PCBD2: variants seen among roughly 807,000 people sequenced by gnomAD.
PCBD2 encodes pterin-4-alpha-carbinolamine dehydratase 2.
In PCBD2, 12 loss-of-function variants were observed where a neutral mutation model predicts 16.4. The observed-to-expected ratio is 0.73, with a 90% CI of 0.47 to 1.19. The LOEUF (loss-of-function observed/expected upper bound fraction) is 1.19, where lower values mean the gene tolerates loss of function less well. PCBD2 is among the 50% of genes most tolerant of loss of function. The pLI, the probability that PCBD2 is intolerant of heterozygous loss-of-function variation, is 0.00. For missense variants in PCBD2, 138 were observed against 156.8 expected, an observed-to-expected ratio of 0.88 and a Z score of 0.64; for synonymous variants, 58 against 61.8, an observed-to-expected ratio of 0.94 and a Z score of 0.29.
chr5:134,909,848 C>T (rs1000034304), intron 1 of PCBD2, among the ~76,000 whole-genome samples: 2 of 152,156 alleles, frequency 1.3e-5, no homozygotes, highest in Non-Finnish European at 1.5e-5. Flanking sequence ...GTGGGCAGAT[C>T]ACTTGAGCTC....
chr5:134,907,204 TTC>T (rs1238165507), intron 1 of PCBD2, among the ~76,000 whole-genome samples: 1 of 152,262 alleles, frequency 6.6e-6, no homozygotes, highest in African/African-American at 2.4e-5. Context: ...TTTTCCAAAA[TTC>T]TCTGAGTTGA....
At chr5:134,937,288 T>A (rs921774611) in intron 2 of PCBD2, among the ~76,000 whole-genome samples, 12 of 152,246 alleles carry the variant, frequency 7.9e-5, no homozygotes, top group Non-Finnish European at 1.3e-4. Flanking sequence ...TATATCCATT[T>A]TACATGAAAA....
At chr5:134,925,312 A>G (rs924002056) in intron 2 of PCBD2, 2 of 398,326 alleles carry the variant, frequency 5.0e-6, no homozygotes, top group African/African-American at 4.1e-5. Context: ...GAGGAAGGGT[A>G]TTCCTGCCAA....
intron 2 of PCBD2, among the ~76,000 whole-genome samples, chr5:134,930,581 G>A (rs753012315): frequency 1.8e-4 from 27 of 152,182 alleles, no homozygotes; most frequent in Non-Finnish European, 3.5e-4. Flanking sequence ...CCTTTGTTCT[G>A]CATGCAGTAC....
chr5:134,917,634 A>G (rs1021347078), intron 2 of PCBD2, among the ~76,000 whole-genome samples: 2 of 152,190 alleles, frequency 1.3e-5, no homozygotes, highest in Non-Finnish European at 2.9e-5. Context: ...GCAAAGTCCA[A>G]GCTTTATTGG....
At chr5:134,917,090 GGTAGAAATGTGGGTGTGAGA>G (rs1750842674) in intron 2 of PCBD2, among the ~76,000 whole-genome samples, 1 of 152,220 alleles carries the variant, frequency 6.6e-6, no homozygotes, top group Admixed American at 6.5e-5. Flanking sequence ...CAAAATGTCA[GGTAGAAATGTGGGTGTGAGA>G]GTCCCATAAA....
chr5:134,936,783 T>G (rs1477445043), intron 2 of PCBD2, among the ~76,000 whole-genome samples: 3 of 152,196 alleles, frequency 2.0e-5, no homozygotes. Flanking sequence ...ATCTGTCCAG[T>G]GGCCAAAGAC....
At chr5:134,932,587 C>A (rs1188335142) in intron 2 of PCBD2, among the ~76,000 whole-genome samples, 1 of 152,224 alleles carries the variant, frequency 6.6e-6, no homozygotes, top group Admixed American at 6.5e-5. Context: ...AGTGATCCCC[C>A]CTGCCTTCTC....
At chr5:134,941,515 G>A (rs1025428633) in intron 2 of PCBD2, among the ~76,000 whole-genome samples, 1 of 152,162 alleles carries the variant, frequency 6.6e-6, no homozygotes, top group Non-Finnish European at 1.5e-5. Context: ...ATATTCAGAA[G>A]GCCTGGCTTT....
chr5:134,960,803 G>C lies in PCBD2; in HGVS notation c.*122G>C, dbSNP rs1751466169. ...TTTTTTTAAGACAGAGTGTTGCTCT[G>C]TCGCCCAGGCCAGAGTGCAGTGGTA... On this transcript the variant is annotated 3_prime_UTR_variant, in exon 4 of 4. Coordinates refer to ENST00000254908, the MANE Select transcript of PCBD2 (RefSeq NM_032151.5). 1.2e-6 allele frequency: 1 copy of C among 814,982 alleles called. No homozygotes were observed. Among genetic ancestry groups the C allele is most frequent in the South Asian group, 1.7e-5 (1 of 58,978 alleles). 50.5% of individuals were successfully genotyped at this position (814,982 alleles called of 1,614,324 possible).
At chr5:134,934,703 A>G (rs1008447280) in intron 2 of PCBD2, among the ~76,000 whole-genome samples, 3 of 152,216 alleles carry the variant, frequency 2.0e-5, no homozygotes, top group African/African-American at 7.2e-5. Context: ...CCACATCTTC[A>G]GCTTTTTATA....
Position 134,925,581 on chromosome 5 carries a change from A to C in PCBD2, c.216+15115A>C. 7.5e-6 allele frequency: 3 copies of C among 398,066 alleles called. No homozygotes were observed. The East Asian group carries it at 1.1e-4, about 14-fold the overall frequency. 24.7% of individuals were successfully genotyped at this position (398,066 alleles called of 1,614,324 possible). On this transcript the variant is annotated intron_variant, in intron 2 of 3. Coordinates refer to ENST00000254908, the MANE Select transcript of PCBD2 (RefSeq NM_032151.5). ...CGATTTTTTTGATGTCATTTTGTGT[A>C]AGGGCGCAGACTGCTGCGAACAGAG... is the stretch of plus-strand genomic sequence containing the variant.
At chr5:134,927,551 G>A in intron 2 of PCBD2, 3 of 398,210 alleles carry the variant, frequency 7.5e-6, no homozygotes, top group Non-Finnish European at 1.3e-5. Flanking sequence ...AGATTAGTGC[G>A]ATGAGTAGGG....
At chr5:134,956,585 G>A (rs1425012533) in intron 2 of PCBD2, among the ~76,000 whole-genome samples, 1 of 152,210 alleles carries the variant, frequency 6.6e-6, no homozygotes, top group Non-Finnish European at 1.5e-5. Flanking sequence ...CAGTGACTGT[G>A]CACTCATAAT....
Position 134,950,268 on chromosome 5 carries a change from TAGTG to T in PCBD2, c.217-8771_217-8768del, listed in dbSNP as rs373769144. ...TTGGAGTAGCTGGTGCTCATTTTCT[TAGTG>T]GGAGATATGTTCTTTTTTAGTGCAT... On this transcript the variant is annotated intron_variant, in intron 2 of 3. Coordinates refer to ENST00000254908, the MANE Select transcript of PCBD2 (RefSeq NM_032151.5). Among the ~76,000 whole-genome samples the T allele has an allele frequency of 3.1e-3, 470 of 152,320 alleles. 2 individuals are homozygous for T. The highest frequency in any genetic ancestry group is 4.9e-3 in the Non-Finnish European group (334 of 68,020).
At chr5:134,929,474 G>T (rs2149535005) in intron 2 of PCBD2, among the ~76,000 whole-genome samples, 1 of 152,252 alleles carries the variant, frequency 6.6e-6, no homozygotes, top group South Asian at 2.1e-4. Flanking sequence ...AGTACCAGGG[G>T]ATGCCCATTG....
intron 2 of PCBD2, among the ~76,000 whole-genome samples, chr5:134,958,352 G>A (rs1751437425): frequency 6.6e-6 from 1 of 152,214 alleles, no homozygotes; most frequent in Non-Finnish European, 1.5e-5. Flanking sequence ...TCCACACTTA[G>A]TCGTGTGACT....
At chr5:134,943,377 C>T (rs1580891122) in intron 2 of PCBD2, among the ~76,000 whole-genome samples, 1 of 152,102 alleles carries the variant, frequency 6.6e-6, no homozygotes, top group East Asian at 1.9e-4. Flanking sequence ...GGGCCTCAGT[C>T]TAGGTTACGA....
intron 2 of PCBD2, among the ~76,000 whole-genome samples, chr5:134,937,906 A>G (rs569829297): frequency 6.6e-6 from 1 of 152,328 alleles, no homozygotes; most frequent in Non-Finnish European, 1.5e-5. Context: ...ACCATCTTAT[A>G]CATGTTATTT....
Sources: allele counts gnomAD v4.1 joint callset (sites outside exome capture counted in the v4.1 genomes callset), GRCh38; gene constraint gnomAD v4.1.1; transcripts MANE v1.5; gene names NCBI Gene and HGNC (gene_info 2026-07-23, HGNC 2026-07-21).